The following SLC9A8 variants were observed in gnomAD, a reference collection of about 807,000 sequenced individuals.
SLC9A8 encodes sodium/hydrogen exchanger 8.
In SLC9A8, 48 loss-of-function variants were observed where a neutral mutation model predicts 66.6. The observed-to-expected ratio is 0.72, with a 90% CI of 0.57 to 0.92. SLC9A8 has a LOEUF of 0.92. Among genes scored for constraint, SLC9A8 ranks in the 40% least tolerant of loss-of-function variants. The probability of loss-of-function intolerance (pLI) is 0.00; values close to 1 mark genes in which losing one functional copy is unlikely to be tolerated. For missense variants in SLC9A8, 599 were observed against 747.3 expected (o/e 0.80, Z 2.31); for synonymous variants, 274 against 282.6 (o/e 0.97, Z 0.31).
chr20:49,830,286 A>AATT, intron 3 of SLC9A8: 1 of 1,139,764 alleles, frequency 8.8e-7, no homozygotes, highest in Non-Finnish European at 1.3e-6. Flanking sequence ...TAACTTGCTA[A>AATT]AAATGGGTCA....
Position 49,886,540 on chromosome 20 carries a change from G to A in SLC9A8, c.1492-212G>A. On this transcript the variant is annotated intron_variant, in intron 14 of 15. Transcript: ENST00000361573. This position sits in a 1 kb window ranked among gnomAD's most constrained non-coding sequence, Gnocchi z 4.8. The stretch of plus-strand genomic sequence containing the variant: ...CAGTCCTTCTGTTTTAGCTGTCCTA[G>A]GTGGGGTCCTGGGCATCCATTGTGC... The A allele has an allele frequency of 1.8e-6, 1 of 548,890 alleles. No homozygotes were observed. Among genetic ancestry groups the A allele is most frequent in the Non-Finnish European group, 3.2e-6 (1 of 311,990 alleles). The allele number at this position is 548,890 out of a possible 1,614,324, so 34.0% of individuals were successfully genotyped here.
At chr20:49,830,992 C>A (rs999402172) in intron 3 of SLC9A8, 1 of 753,500 alleles carries the variant, frequency 1.3e-6, no homozygotes, top group East Asian at 2.5e-5. Flanking sequence ...CTCTGACTCC[C>A]ATGGCAGCTG....
chr20:49,858,711 A>G (rs1360878001), intron 8 of SLC9A8, among the ~76,000 whole-genome samples: 4 of 152,104 alleles, frequency 2.6e-5, no homozygotes, highest in Non-Finnish European at 4.4e-5. Flanking sequence ...TAATCCCAGC[A>G]CTTTGGAAGG....
At chr20:49,843,400 A>G (rs1029644482) in intron 4 of SLC9A8, among the ~76,000 whole-genome samples, 2 of 152,082 alleles carry the variant, frequency 1.3e-5, no homozygotes, top group Non-Finnish European at 2.9e-5. Context: ...ATTTGCTTCT[A>G]TTTTGAGCGT....
At chr20:49,815,735 ACTGT>A (rs762388388) in intron 2 of SLC9A8, among the ~76,000 whole-genome samples, 61 of 151,682 alleles carry the variant, frequency 4.0e-4, no homozygotes, top group Non-Finnish European at 6.6e-4. Flanking sequence ...ACAGAGTAAG[ACTGT>A]CTGGAAAAAA....
chr20:49,821,395 A>G (rs2086733962), intron 2 of SLC9A8, among the ~76,000 whole-genome samples: 1 of 152,184 alleles, frequency 6.6e-6, no homozygotes, highest in South Asian at 2.1e-4. Flanking sequence ...TTTTCTTGCC[A>G]TTAGTATTTA....
chr20:49,856,796 T>A (rs1159748611), intron 8 of SLC9A8, among the ~76,000 whole-genome samples: 4 of 145,436 alleles, frequency 2.8e-5, no homozygotes, highest in Non-Finnish European at 5.9e-5. Context: ...GATTCCAGCC[T>A]GGTGACAGAG....
At chr20:49,857,815 TTTCAC>T (rs2088561801) in intron 8 of SLC9A8, among the ~76,000 whole-genome samples, 1 of 132,138 alleles carries the variant, frequency 7.6e-6, no homozygotes, top group Non-Finnish European at 1.7e-5. Context: ...TAGTTGTTGT[TTTCAC>T]CACATTTGCC....
rs1330976643 is a variant in SLC9A8, at chr20:49,880,989, G to A, written c.1224G>A (p.Arg408=). 3.7e-6 allele frequency: 6 copies of A among 1,613,878 alleles called. No individual in the cohort carries two copies. Among genetic ancestry groups the A allele is most frequent in the Non-Finnish European group, 5.1e-6 (6 of 1,179,840 alleles). The change falls in exon 13 of 16, where the codon CGG becomes CGA. Residue 408 remains arginine, a synonymous_variant. Coordinates refer to ENST00000361573, the MANE Select transcript of SLC9A8 (RefSeq NM_015266.3). ...FPLSYLLNFF[R]DHKITPKMMF... Reference sequence around the variant, plus strand: ...TTTCCTACCTCCTGAATTTCTTCCGGGATCATAAAATCACACCGAAGATGA... The same window carrying A: ...TTTCCTACCTCCTGAATTTCTTCCGAGATCATAAAATCACACCGAAGATGA...
At chr20:49,864,943 A>G in intron 10 of SLC9A8, 99 bp downstream of exon 10, 4 of 784,104 alleles carry the variant, frequency 5.1e-6, no homozygotes, top group East Asian at 2.5e-5. Context: ...CACAAGAGAC[A>G]GTCACAACTC....
intron 2 of SLC9A8, among the ~76,000 whole-genome samples, chr20:49,820,825 G>T (rs1169118685): frequency 6.6e-6 from 1 of 152,112 alleles, no homozygotes; most frequent in African/African-American, 2.4e-5. Context: ...GATTCCAGGT[G>T]TGAGCCACCG....
At chr20:49,814,913 A>G in intron 1 of SLC9A8, 95 bp from the exon 2 acceptor site, 1 of 1,029,300 alleles carries the variant, frequency 9.7e-7, no homozygotes, top group Non-Finnish European at 1.4e-6. Context: ...AATCCCATAA[A>G]GTTCTTGGAC....
intron 2 of SLC9A8, among the ~76,000 whole-genome samples, chr20:49,818,264 C>T (rs2086625171): frequency 6.6e-6 from 1 of 152,086 alleles, no homozygotes; most frequent in Non-Finnish European, 1.5e-5. Context: ...CCTCTCCAAA[C>T]AGATTATAAA....
chr20:49,815,921 T>G (rs1453465591), intron 2 of SLC9A8, among the ~76,000 whole-genome samples: 3 of 152,144 alleles, frequency 2.0e-5, no homozygotes. Flanking sequence ...CATTTTGTGT[T>G]CATATTTATT....
Position 49,863,013 on chromosome 20 carries a change from AATGT to A in SLC9A8, c.799_802del (p.Met267SerfsTer13). The A allele has an allele frequency of 6.2e-7, 1 of 1,613,996 alleles. No individual in the cohort carries two copies. Among genetic ancestry groups the A allele is most frequent in the Non-Finnish European group, 8.5e-7 (1 of 1,179,914 alleles). ...TACAAGCCCTTGACTACTTCCTCAAAATGTTCTTTGGCTCTGCAGCGCTCGGCAC... is the reference window on the plus strand; with the variant it reads ...TACAAGCCCTTGACTACTTCCTCAAATCTTTGGCTCTGCAGCGCTCGGCAC... On this transcript the variant is annotated frameshift_variant, in exon 9 of 16. Transcript: ENST00000361573. LOFTEE classifies it high-confidence loss of function.
chr20:49,815,713 C>T (rs1338568247), intron 2 of SLC9A8, among the ~76,000 whole-genome samples: 1 of 151,900 alleles, frequency 6.6e-6, no homozygotes, highest in African/African-American at 2.4e-5. Context: ...CCGCTGCACT[C>T]CAGCCTGGAT....
At chr20:49,855,390 C>G in intron 7 of SLC9A8, 48 bp from the exon 8 acceptor site, 1 of 1,585,604 alleles carries the variant, frequency 6.3e-7, no homozygotes, top group Non-Finnish European at 8.6e-7. Flanking sequence ...AATATGTGGA[C>G]CAAGTGACAC....
Position 49,812,872 on chromosome 20 carries a change from G to A in SLC9A8, c.-51G>A. On this transcript the variant is annotated 5_prime_UTR_variant, in exon 1 of 16. Coordinates refer to ENST00000361573, the MANE Select transcript of SLC9A8 (RefSeq NM_015266.3). ...CAGCGGAAGCCGGAAGCAAAAGCGG[G>A]TCCTGCTAGCCCCGCGGCTCCGAAC... 4 of 1,495,074 alleles carry A rather than the reference G, an allele frequency of 2.7e-6. No individual in the cohort carries two copies. In the South Asian group the frequency reaches 4.9e-5, roughly 18 times the overall value. 92.6% of individuals were successfully genotyped at this position (1,495,074 alleles called of 1,614,324 possible).
At chr20:49,842,739 G>T (rs1202395587) in intron 4 of SLC9A8, among the ~76,000 whole-genome samples, 1 of 152,212 alleles carries the variant, frequency 6.6e-6, no homozygotes, top group Non-Finnish European at 1.5e-5. Flanking sequence ...CATAAGGGCT[G>T]CAGTAACAAA....
Sources: gnomAD v4.1 joint callset for allele counts (sites outside exome capture counted in the v4.1 genomes callset) on GRCh38, gnomAD v4.1.1 for gene constraint, Gnocchi (gnomAD v3.1) non-coding constraint, MANE v1.5 for transcripts, NCBI Gene and HGNC (gene_info 2026-07-23, HGNC 2026-07-21) for gene names.